The following CCDC88A variants were observed in gnomAD, a reference collection of about 807,000 sequenced individuals.
CCDC88A encodes coiled-coil and HOOK domain protein 88A.
Under a neutral mutation model 234.3 loss-of-function variants are expected in CCDC88A, and 54 were observed. That is an observed-to-expected ratio of 0.23 (90% CI 0.19 to 0.29). The LOEUF (loss-of-function observed/expected upper bound fraction) is 0.29, where lower values mean the gene tolerates loss of function less well. Among genes scored for constraint, CCDC88A ranks in the 10% least tolerant of loss-of-function variants. CCDC88A has a pLI of 1.00. For synonymous variants in CCDC88A, 753 were observed against 737.8 expected (o/e 1.02, Z -0.33); for missense variants, 1,832 against 2,123.4 (o/e 0.86, Z 2.70).
rs773049643 is a variant in CCDC88A at position 55,317,357 on chromosome 2, G to GA, written c.3603-9dup. 2 of 1,453,840 alleles carry GA rather than the reference G, an allele frequency of 1.4e-6. No individual in the cohort carries two copies. The highest frequency in any genetic ancestry group is 1.8e-6 in the Non-Finnish European group (2 of 1,098,188). 90.1% of individuals were successfully genotyped at this position (1,453,840 alleles called of 1,614,324 possible). On this transcript the variant is annotated splice_polypyrimidine_tract_variant and intron_variant, in intron 20 of 32. Coordinates refer to ENST00000436346, the MANE Select transcript of CCDC88A (RefSeq NM_001365480.1). This position sits in a 1 kb window ranked among gnomAD's most constrained non-coding sequence, Gnocchi z 4.2. ...TTTAATAACTGATTGTAACTGGGGG[G>GA]AAAAAAGGCATTTGGTTTATAATAT...
At chr2:55,369,645 A>G (rs1163085224) in intron 5 of CCDC88A, among the ~76,000 whole-genome samples, 1 of 151,862 alleles carries the variant, frequency 6.6e-6, no homozygotes, top group African/African-American at 2.4e-5. Flanking sequence ...TTTGGCAGAG[A>G]CAACGTTTTA....
At chr2:55,402,891 C>T (rs771208802) in intron 2 of CCDC88A, among the ~76,000 whole-genome samples, 9 of 151,936 alleles carry the variant, frequency 5.9e-5, no homozygotes, top group Admixed American at 2.6e-4. Flanking sequence ...CACCTGTAGT[C>T]CCAGTTACTA....
rs549186392 is a variant in CCDC88A, at chr2:55,330,358, A to G, written c.2856-1923T>C. On this transcript the variant is annotated intron_variant, in intron 16 of 32. Coordinates refer to ENST00000436346, the MANE Select transcript of CCDC88A (RefSeq NM_001365480.1). ...CATGGTGGTGCGTGCCTGTAATCCC[A>G]GCTACTTGGGAGGCTCAGGCAGGAG... 5.3e-5 allele frequency among the ~76,000 whole-genome samples: 8 copies of G among 152,186 alleles called. No individual in the cohort carries two copies. In the South Asian group the frequency reaches 1.5e-3, roughly 28 times the overall value.
intron 18 of CCDC88A, among the ~76,000 whole-genome samples, chr2:55,320,449 T>G (rs182711264): frequency 2.6e-5 from 4 of 152,170 alleles, no homozygotes; most frequent in Non-Finnish European, 5.9e-5. Context: ...ACCAGCCTAT[T>G]ATATGGCTAA....
At chr2:55,321,964 T>C (rs1683691707) in intron 18 of CCDC88A, among the ~76,000 whole-genome samples, 1 of 151,942 alleles carries the variant, frequency 6.6e-6, no homozygotes, top group African/African-American at 2.4e-5. Flanking sequence ...TTACTTGTTA[T>C]TGTGTAAGTT....
intron 29 of CCDC88A, chr2:55,296,910 C>T (rs1242995081): frequency 3.1e-5 from 5 of 161,750 alleles, no homozygotes; most frequent in Non-Finnish European, 6.7e-5. Context: ...GCAGGCCAGG[C>T]GTGGTGGCTC....
chr2:55,369,359 G>A (rs1457536488), intron 5 of CCDC88A, among the ~76,000 whole-genome samples: 1 of 151,646 alleles, frequency 6.6e-6, no homozygotes, highest in Admixed American at 6.6e-5. Flanking sequence ...TCTTAAAGTG[G>A]CAAATCCAGT....
intron 5 of CCDC88A, among the ~76,000 whole-genome samples, chr2:55,371,534 G>A (rs1034498233): frequency 6.6e-6 from 1 of 152,158 alleles, no homozygotes; most frequent in South Asian, 2.1e-4. Context: ...TGAAGTCAGA[G>A]CAGAGTTGAC....
chr2:55,416,395 G>A lies in CCDC88A; in HGVS notation c.164+2421C>T, dbSNP rs139211827. Among the ~76,000 whole-genome samples, 457 of 116,922 alleles carry A rather than the reference G, an allele frequency of 3.9e-3. 7 individuals are homozygous for A. Among genetic ancestry groups the A allele is most frequent in the African/African-American group, 0.013 (427 of 33,454 alleles). The allele number at this position is 116,922 out of a possible 152,430, so 76.7% of individuals were successfully genotyped here. A position where few individuals can be genotyped will look rare whatever the true frequency, so the allele number is the denominator to read the frequency against. On this transcript the variant is annotated intron_variant, in intron 2 of 32. Coordinates refer to ENST00000436346, the MANE Select transcript of CCDC88A (RefSeq NM_001365480.1). ...CAACATCAAAGCTACTAATATATAT[G>A]TAACTGGACTTCCAAAAGGGTGAAG... is the stretch of plus-strand genomic sequence containing the variant.
chr2:55,400,328 C>T (rs944035661), intron 2 of CCDC88A, among the ~76,000 whole-genome samples: 1 of 152,128 alleles, frequency 6.6e-6, no homozygotes, highest in African/African-American at 2.4e-5. Flanking sequence ...CAATCACACA[C>T]AGCTATTTCC....
intron 2 of CCDC88A, among the ~76,000 whole-genome samples, chr2:55,413,762 G>A (rs528046467): frequency 2.0e-5 from 3 of 151,908 alleles, no homozygotes; most frequent in Non-Finnish European, 4.4e-5. Flanking sequence ...GACCAGCCTG[G>A]GCAACACAGT....
chr2:55,353,514 T>C (rs1670154007), intron 8 of CCDC88A, among the ~76,000 whole-genome samples: 1 of 152,132 alleles, frequency 6.6e-6, no homozygotes, highest in East Asian at 1.9e-4. Context: ...CTATGGACTG[T>C]AATATTTTTT....
intron 31 of CCDC88A, chr2:55,292,893 T>TG (rs1468674569): frequency 2.0e-5 from 3 of 152,138 alleles, no homozygotes; most frequent in African/African-American, 7.2e-5. Context: ...AGTGGTGTTT[T>TG]GGGGGGAATT....
chr2:55,336,620 T>A (rs906421270), intron 14 of CCDC88A, 61 bp downstream of exon 14: 15 of 1,077,376 alleles, frequency 1.4e-5, no homozygotes, highest in Admixed American at 2.7e-5. Context: ...GCATATATTT[T>A]AAATAACTTT....
rs1685030853 is a variant in CCDC88A at position 55,332,429 on chromosome 2, T to TGTAG, written c.2855+136_2855+137insCTAC. The TGTAG allele has an allele frequency of 1.5e-6, 2 of 1,354,554 alleles. No individual in the cohort carries two copies. The highest frequency in any genetic ancestry group is 3.0e-5 in the Admixed American group (1 of 33,180). The allele number at this position is 1,354,554 out of a possible 1,614,324, so 83.9% of individuals were successfully genotyped here. A position where few individuals can be genotyped will look rare whatever the true frequency, so the allele number is the denominator to read the frequency against. On this transcript the variant is annotated intron_variant, in intron 16 of 32. Coordinates refer to ENST00000436346, the MANE Select transcript of CCDC88A (RefSeq NM_001365480.1). This position sits in a 1 kb window ranked among gnomAD's most constrained non-coding sequence, Gnocchi z 4.5. ...GAGCCACCGCACCCGGCTACAGAAC[T>TGTAG]TTCCTTAAGGGAAGGAAGGAACCAG...
chr2:55,383,788 A>C (rs182478566), intron 3 of CCDC88A, among the ~76,000 whole-genome samples: 32 of 152,278 alleles, frequency 2.1e-4, no homozygotes, highest in African/African-American at 7.0e-4. Flanking sequence ...GGCTGATGAG[A>C]ATTCCATTGA....
At chr2:55,322,880 A>C in intron 17 of CCDC88A, 188 bp from the exon 18 acceptor site, 2 of 397,408 alleles carry the variant, frequency 5.0e-6, no homozygotes, top group Non-Finnish European at 8.8e-6. Flanking sequence ...TATAAAACAT[A>C]CTCTACTTAT....
At chr2:55,327,873 G>A (rs1360303868) in intron 17 of CCDC88A, among the ~76,000 whole-genome samples, 3 of 152,140 alleles carry the variant, frequency 2.0e-5, no homozygotes, top group Admixed American at 2.0e-4. Flanking sequence ...ATGAGATCAG[G>A]TGCTGTCTTA....
chr2:55,385,777 C>T (rs367851684), intron 3 of CCDC88A, among the ~76,000 whole-genome samples: 1 of 126,012 alleles, frequency 7.9e-6, no homozygotes, highest in Non-Finnish European at 1.6e-5. Flanking sequence ...CCCTTGAATC[C>T]GGGAGGCAGA....
Sources: allele counts gnomAD v4.1 joint callset (sites outside exome capture counted in the v4.1 genomes callset), GRCh38; gene constraint gnomAD v4.1.1; non-coding constraint Gnocchi (gnomAD v3.1); transcripts MANE v1.5; gene names NCBI Gene and HGNC (gene_info 2026-07-23, HGNC 2026-07-21).